PREX2: variants seen among roughly 807,000 people sequenced by gnomAD.
The protein encoded by PREX2 is phosphatidylinositol-3,4,5-trisphosphate dependent Rac exchange factor 2.
A neutral mutation model predicts 203.2 loss-of-function variants in PREX2; 107 were observed. The ratio of observed to expected loss-of-function variants is 0.53; its 90% CI spans 0.45 to 0.62. The LOEUF is 0.62. PREX2 is among the 20% of genes least tolerant of loss of function. The pLI, the probability that PREX2 is intolerant of heterozygous loss-of-function variation, is 0.00. For missense variants in PREX2, 1,777 were observed against 1,955.9 expected, an observed-to-expected ratio of 0.91 and a Z score of 1.72; for synonymous variants, 672 against 663.6, an observed-to-expected ratio of 1.01 and a Z score of -0.19.
intron 37 of PREX2, among the ~76,000 whole-genome samples, chr8:68,204,554 T>C (rs1362032274): frequency 1.3e-5 from 2 of 152,124 alleles, no homozygotes; most frequent in Admixed American, 6.6e-5. Context: ...GTTCTCTGTC[T>C]GCGGCCAGGA....
intron 1 of PREX2, among the ~76,000 whole-genome samples, chr8:67,962,165 C>T (rs1419432987): frequency 1.3e-5 from 2 of 152,056 alleles, no homozygotes; most frequent in Non-Finnish European, 2.9e-5. Context: ...TTTAAGTTGC[C>T]TTCTTGCCAG....
chr8:68,196,436 T>A (rs1378616862), intron 37 of PREX2, among the ~76,000 whole-genome samples: 3 of 146,072 alleles, frequency 2.1e-5, no homozygotes, highest in Non-Finnish European at 4.5e-5. Context: ...AATTATATAT[T>A]TTTTTATATA....
intron 35 of PREX2, among the ~76,000 whole-genome samples, chr8:68,187,744 A>G (rs962181654): frequency 5.3e-5 from 8 of 152,178 alleles, no homozygotes; most frequent in Non-Finnish European, 1.0e-4. Context: ...CCAAGCATGT[A>G]ACAAATGCTA....
intron 17 of PREX2, among the ~76,000 whole-genome samples, chr8:68,082,031 ATCATTCAT>A (rs143880470): frequency 0.02 from 671 of 34,194 alleles, 3 homozygotes; most frequent in African/African-American, 0.064. Context: ...AAAACTTCTG[ATCATTCAT>A]TCATTCATTC....
chr8:68,040,983 A>T (rs149871020), intron 7 of PREX2, among the ~76,000 whole-genome samples: 1 of 152,286 alleles, frequency 6.6e-6, no homozygotes, highest in East Asian at 1.9e-4. Context: ...ACTTTATGGG[A>T]TGTTTCCTTA....
Position 68,233,182 on chromosome 8 carries a change from G to A in PREX2, c.*1804G>A, listed in dbSNP as rs2129615718. The A allele has an allele frequency of 6.6e-6, 1 of 152,266 alleles. No homozygotes were observed. Among genetic ancestry groups the A allele is most frequent in the East Asian group, 1.9e-4 (1 of 5,182 alleles). The allele number at this position is 152,266 out of a possible 1,614,324, so 9.4% of individuals were successfully genotyped here. ...AGTTGAACATTTTGAATTTAATAAA[G>A]ATATCTTTACAAAAATAACCTTCAA... On this transcript the variant is annotated 3_prime_UTR_variant, in exon 40 of 40. Transcript: ENST00000288368.
intron 37 of PREX2, among the ~76,000 whole-genome samples, chr8:68,193,691 A>G (rs1331987802): frequency 1.3e-5 from 2 of 152,240 alleles, no homozygotes; most frequent in South Asian, 2.1e-4. Context: ...AGTTACAGCT[A>G]AAGAGTAGGA....
At chr8:68,057,779 G>T (rs6472375) in intron 10 of PREX2, among the ~76,000 whole-genome samples, 1 of 151,974 alleles carries the variant, frequency 6.6e-6, no homozygotes, top group Non-Finnish European at 1.5e-5. Flanking sequence ...AGCCACCAGG[G>T]GTCATTTTTA....
chr8:68,176,406 AAGACAC>A (rs10553977), intron 35 of PREX2, among the ~76,000 whole-genome samples: 20,482 of 152,104 alleles, frequency 0.13, 1,598 homozygotes, highest in South Asian at 0.2. Flanking sequence ...GGTGAGTGAG[AAGACAC>A]AGAAAGTTAA....
chr8:68,198,810 A>T (rs926746645), intron 37 of PREX2, among the ~76,000 whole-genome samples: 5 of 152,188 alleles, frequency 3.3e-5, no homozygotes, highest in African/African-American at 4.8e-5. Flanking sequence ...CCCTGTAATG[A>T]CTTGTTCCAG....
intron 1 of PREX2, among the ~76,000 whole-genome samples, chr8:67,957,189 C>T (rs1027156545): frequency 6.6e-6 from 1 of 152,222 alleles, no homozygotes; most frequent in African/African-American, 2.4e-5. Context: ...CCCCACTTCT[C>T]TTCGTTTCCT....
chr8:68,160,380 C>T (rs531465476), intron 35 of PREX2, among the ~76,000 whole-genome samples: 2 of 151,894 alleles, frequency 1.3e-5, no homozygotes, highest in Admixed American at 1.3e-4. Context: ...ATGTCTGTGG[C>T]CTATAATAAT....
At chr8:68,114,815 G>A (rs890410935) in intron 25 of PREX2, among the ~76,000 whole-genome samples, 1 of 152,012 alleles carries the variant, frequency 6.6e-6, no homozygotes, top group African/African-American at 2.4e-5. Context: ...GCAGGGAGAC[G>A]GATAGACAAT....
At chr8:68,149,187 C>T (rs1236351225) in intron 34 of PREX2, among the ~76,000 whole-genome samples, 1 of 152,158 alleles carries the variant, frequency 6.6e-6, no homozygotes, top group East Asian at 1.9e-4. Flanking sequence ...AAATGCGTCA[C>T]CCCTTTCTCA....
intron 33 of PREX2, among the ~76,000 whole-genome samples, chr8:68,145,423 T>G (rs1003762552): frequency 2.0e-5 from 3 of 152,158 alleles, no homozygotes; most frequent in African/African-American, 7.2e-5. Flanking sequence ...AAGAAGCAGG[T>G]CAGAAGTTAT....
rs536834755 is a variant in PREX2, at chr8:68,020,770, T to C, written c.336+1099T>C. ...CAGAATCTTCTGCCAGCTGGAGTAGTTGCTATCTCAGTCCAGGGCTGTGCC... is the reference window on the plus strand; with the variant it reads ...CAGAATCTTCTGCCAGCTGGAGTAGCTGCTATCTCAGTCCAGGGCTGTGCC... On this transcript the variant is annotated intron_variant, in intron 3 of 39. Coordinates refer to ENST00000288368, the MANE Select transcript of PREX2 (RefSeq NM_024870.4). Among the ~76,000 whole-genome samples, 75 of 152,320 alleles carry C rather than the reference T, an allele frequency of 4.9e-4. No homozygotes were observed. In the South Asian group the frequency reaches 5.4e-3, roughly 11 times the overall value.
chr8:68,126,807 G>T (rs980297359), intron 30 of PREX2, among the ~76,000 whole-genome samples: 57 of 151,992 alleles, frequency 3.8e-4, no homozygotes, highest in African/African-American at 1.2e-3. Flanking sequence ...AAACATCTGT[G>T]ATTGACCCTG....
intron 35 of PREX2, among the ~76,000 whole-genome samples, chr8:68,164,585 C>CTT (rs755033458): frequency 0.28 from 38,242 of 135,094 alleles, 5,642 homozygotes; most frequent in East Asian, 0.49. Context: ...TTTCTTTTTT[C>CTT]TTTTTTTTTT....
chr8:68,207,197 G>A (rs548879521), intron 37 of PREX2, among the ~76,000 whole-genome samples: 25 of 152,270 alleles, frequency 1.6e-4, no homozygotes, highest in African/African-American at 5.8e-4. Flanking sequence ...CAGCAGATGT[G>A]GTAGGAGCAA....
Sources: allele counts gnomAD v4.1 joint callset (sites outside exome capture counted in the v4.1 genomes callset), GRCh38; gene constraint gnomAD v4.1.1; transcripts MANE v1.5; gene names NCBI Gene and HGNC (gene_info 2026-07-23, HGNC 2026-07-21).